Variants in SPON1 observed in about 807,000 individuals in gnomAD.
SPON1 encodes spondin-1.
A neutral mutation model predicts 111.7 loss-of-function variants in SPON1; 52 were observed. That is an observed-to-expected ratio of 0.47 (90% CI 0.37 to 0.59). The LOEUF (loss-of-function observed/expected upper bound fraction) is 0.59. Among genes scored for constraint, SPON1 ranks in the 20% least tolerant of loss-of-function variants. The pLI is 0.00. For synonymous variants in SPON1, 410 were observed against 395.8 expected, an observed-to-expected ratio of 1.04 and a Z score of -0.43; for missense variants, 957 against 1,068.5, an observed-to-expected ratio of 0.90 and a Z score of 1.46.
intron 1 of SPON1, among the ~76,000 whole-genome samples, chr11:13,968,643 A>G (rs1848038084): frequency 1.3e-5 from 2 of 152,238 alleles, no homozygotes; most frequent in Non-Finnish European, 2.9e-5. Context: ...TCTACTAAAC[A>G]GCACTGTTTT....
intron 7 of SPON1, among the ~76,000 whole-genome samples, chr11:14,247,584 G>T (rs896948818): frequency 6.6e-6 from 1 of 152,202 alleles, no homozygotes; most frequent in African/African-American, 2.4e-5. Flanking sequence ...GATGGTGGTG[G>T]TGGTGGAAAA....
At chr11:13,978,367 A>T (rs1554909225) in intron 1 of SPON1, among the ~76,000 whole-genome samples, 1 of 152,222 alleles carries the variant, frequency 6.6e-6, no homozygotes, top group Non-Finnish European at 1.5e-5. Context: ...ATACTGAGCC[A>T]ACCAGTCTAG....
intron 6 of SPON1, among the ~76,000 whole-genome samples, chr11:14,155,252 AG>A (rs1847830338): frequency 6.6e-6 from 1 of 152,178 alleles, no homozygotes; most frequent in Non-Finnish European, 1.5e-5. Context: ...GCCCCACTCC[AG>A]GTACCAATTT....
intron 6 of SPON1, among the ~76,000 whole-genome samples, chr11:14,242,836 C>T (rs1025755918): frequency 6.6e-6 from 1 of 152,220 alleles, no homozygotes; most frequent in Non-Finnish European, 1.5e-5. Flanking sequence ...CTGGCCTCCT[C>T]GTCCAAGGGA....
intron 6 of SPON1, among the ~76,000 whole-genome samples, chr11:14,232,641 C>A (rs975006072): frequency 1.3e-5 from 2 of 152,182 alleles, no homozygotes; most frequent in African/African-American, 2.4e-5. Context: ...CTCTCTCCTG[C>A]AATATGAGCT....
At chr11:14,009,064 C>T (rs1848385166) in intron 2 of SPON1, among the ~76,000 whole-genome samples, 1 of 152,104 alleles carries the variant, frequency 6.6e-6, no homozygotes, top group African/African-American at 2.4e-5. Flanking sequence ...TGTTAAGCTG[C>T]CTTCAGTTGT....
chr11:14,198,089 G>A (rs1057371134), intron 6 of SPON1, among the ~76,000 whole-genome samples: 74 of 152,298 alleles, frequency 4.9e-4, no homozygotes, highest in African/African-American at 1.6e-3. Context: ...CCATCTAGAC[G>A]ATAACTAGAA....
intron 6 of SPON1, among the ~76,000 whole-genome samples, chr11:14,207,513 A>C (rs1342772500): frequency 1.3e-5 from 2 of 152,170 alleles, no homozygotes; most frequent in African/African-American, 4.8e-5. Context: ...ACAAATTTAC[A>C]AGAAAAAAAC....
intron 6 of SPON1, among the ~76,000 whole-genome samples, chr11:14,193,846 G>T (rs1848373030): frequency 6.6e-6 from 1 of 152,188 alleles, no homozygotes; most frequent in Non-Finnish European, 1.5e-5. Context: ...CCATCACACA[G>T]CCATTACAGA....
At chr11:14,124,929 C>G (rs371857872) in intron 5 of SPON1, among the ~76,000 whole-genome samples, 4 of 152,048 alleles carry the variant, frequency 2.6e-5, no homozygotes, top group African/African-American at 9.6e-5. Flanking sequence ...TCCTTGAGGC[C>G]CTAGGGAAGG....
intron 6 of SPON1, among the ~76,000 whole-genome samples, chr11:14,139,866 G>A (rs1554928579): frequency 6.6e-6 from 1 of 152,022 alleles, no homozygotes; most frequent in Non-Finnish European, 1.5e-5. Context: ...CAAGTGTAGG[G>A]GAAAATCATT....
At position 14,252,616 on chromosome 11, in the gene SPON1, T is replaced by C. The variant is rs187094842; in HGVS notation, c.891-1912T>C. 3.6e-3 allele frequency among the ~76,000 whole-genome samples: 473 copies of C among 131,144 alleles called. 26 individuals are homozygous for C. Among genetic ancestry groups the C allele is most frequent in the East Asian group, 0.035 (136 of 3,884 alleles). 86.0% of individuals were successfully genotyped at this position (131,144 alleles called of 152,430 possible). On this transcript the variant is annotated intron_variant, in intron 7 of 15. Transcript: ENST00000576479. ...CGCAGAGTGTGGGAATCCAACGCTA[T>C]GTACTTGCCTCAGCCGAAGGCAAGA...
intron 3 of SPON1, among the ~76,000 whole-genome samples, chr11:14,057,014 TAAAA>T (rs1260360448): frequency 2.0e-5 from 3 of 152,012 alleles, no homozygotes; most frequent in African/African-American, 4.8e-5. Flanking sequence ...ACCCATTAAA[TAAAA>T]TGGAAATAAA....
At chr11:14,026,238 C>T (rs1349767925) in intron 2 of SPON1, among the ~76,000 whole-genome samples, 1 of 152,202 alleles carries the variant, frequency 6.6e-6, no homozygotes, top group African/African-American at 2.4e-5. Context: ...ATTTGTTTTG[C>T]AAGTAAGTGC....
At chr11:14,238,822 G>GT (rs1284827854) in intron 6 of SPON1, among the ~76,000 whole-genome samples, 4 of 152,258 alleles carry the variant, frequency 2.6e-5, no homozygotes, top group Admixed American at 2.0e-4. Context: ...GTATCTTTGG[G>GT]TTTTTTCCTA....
At chr11:14,152,742 C>A (rs1229873503) in intron 6 of SPON1, among the ~76,000 whole-genome samples, 2 of 152,152 alleles carry the variant, frequency 1.3e-5, no homozygotes, top group African/African-American at 4.8e-5. Flanking sequence ...CTTTAAAATG[C>A]AATGACTTCC....
At chr11:14,004,113 T>G (rs1554912802) in intron 2 of SPON1, among the ~76,000 whole-genome samples, 1 of 152,196 alleles carries the variant, frequency 6.6e-6, no homozygotes, top group African/African-American at 2.4e-5. Flanking sequence ...TGGCAAGATC[T>G]CTTTCTGTTC....
chr11:14,112,956 C>T (rs555739518), intron 5 of SPON1, among the ~76,000 whole-genome samples: 7 of 152,332 alleles, frequency 4.6e-5, no homozygotes, highest in Admixed American at 1.3e-4. Context: ...TTCTGGCCTG[C>T]CTGCTCATCC....
chr11:14,211,722 A>G (rs1848579078), intron 6 of SPON1, among the ~76,000 whole-genome samples: 1 of 152,222 alleles, frequency 6.6e-6, no homozygotes, highest in Non-Finnish European at 1.5e-5. Context: ...AACATGGTGT[A>G]TAGTAATATA....
Sources: allele counts gnomAD v4.1 joint callset (sites outside exome capture counted in the v4.1 genomes callset), GRCh38; gene constraint gnomAD v4.1.1; transcripts MANE v1.5; gene names NCBI Gene and HGNC (gene_info 2026-07-23, HGNC 2026-07-21).